FBLN1: variants seen among roughly 807,000 people sequenced by gnomAD.
FBLN1 encodes fibulin 1, also known as fibulin-1.
Under a neutral mutation model 89.7 loss-of-function variants are expected in FBLN1, and 34 were observed. The observed-to-expected ratio is 0.38, with a 90% CI of 0.29 to 0.50. FBLN1 has a LOEUF of 0.50. Among genes scored for constraint, FBLN1 ranks in the 20% least tolerant of loss-of-function variants. The pLI, the probability that FBLN1 is intolerant of heterozygous loss-of-function variation, is 0.92. For synonymous variants in FBLN1, 393 were observed against 391.3 expected (o/e 1.00, Z -0.05); for missense variants, 777 against 988.1 (o/e 0.79, Z 2.86).
chr22:45,519,481 G>A (rs1393680509), intron 2 of FBLN1, among the ~76,000 whole-genome samples: 1 of 151,870 alleles, frequency 6.6e-6, no homozygotes, highest in Non-Finnish European at 1.5e-5. Flanking sequence ...AAAATTAGCT[G>A]GGCGTGGTGG....
At chr22:45,594,661 G>A (rs1048714167) in intron 16 of FBLN1, among the ~76,000 whole-genome samples, 1 of 152,030 alleles carries the variant, frequency 6.6e-6, no homozygotes, top group African/African-American at 2.4e-5. Context: ...TGGATGGTTG[G>A]ATCCATGGGT....
chr22:45,517,806 C>T (rs375978096), intron 1 of FBLN1: 20 of 365,586 alleles, frequency 5.5e-5, no homozygotes, highest in East Asian at 2.4e-4. Flanking sequence ...GGAGAAAACA[C>T]GGATGTGGGT....
At chr22:45,540,382 C>T (rs7290660) in intron 8 of FBLN1, among the ~76,000 whole-genome samples, 4,250 of 152,262 alleles carry the variant, frequency 0.028, 187 homozygotes, top group African/African-American at 0.091. Context: ...GCACGGTCAG[C>T]GCGAAGGGCT....
At chr22:45,528,226 C>T (rs547286342) in intron 4 of FBLN1, among the ~76,000 whole-genome samples, 1 of 152,192 alleles carries the variant, frequency 6.6e-6, no homozygotes, top group African/African-American at 2.4e-5. Flanking sequence ...GGCAGAACGC[C>T]GCCTTTCCCG....
At chr22:45,539,405 T>A (rs529421570) in intron 8 of FBLN1, among the ~76,000 whole-genome samples, 68 of 152,064 alleles carry the variant, frequency 4.5e-4, no homozygotes, top group African/African-American at 1.5e-3. Context: ...TTTGCCGTGT[T>A]GGCCAGGTTG....
chr22:45,515,703 C>T (rs2088160604), intron 1 of FBLN1, among the ~76,000 whole-genome samples: 1 of 152,204 alleles, frequency 6.6e-6, no homozygotes, highest in South Asian at 2.1e-4. Flanking sequence ...CGGTTTAATC[C>T]TCCAGCGACT....
rs565722941 is a variant in FBLN1 at position 45,579,408 on chromosome 22, G to T, written c.1972+2300G>T. ...AGAGATGATCACAGGTGCCGTCCCG[G>T]CAGCGGGCTTCTGGGAACGGAATGT... is the stretch of plus-strand genomic sequence containing the variant. On this transcript the variant is annotated intron_variant, in intron 16 of 16. Transcript: ENST00000327858. The surrounding 1 kb of genome is among the most constrained non-coding windows in gnomAD (Gnocchi z 5.5). 6.6e-6 allele frequency among the ~76,000 whole-genome samples: 1 copy of T among 152,386 alleles called. No homozygotes were observed. The highest frequency in any genetic ancestry group is 6.5e-5 in the Admixed American group (1 of 15,314).
intron 16 of FBLN1, among the ~76,000 whole-genome samples, chr22:45,599,038 TGGC>T (rs1361637656): frequency 6.6e-6 from 1 of 152,168 alleles, no homozygotes; most frequent in Non-Finnish European, 1.5e-5. Flanking sequence ...GCCATGGAGA[TGGC>T]GGGCCCAGGC....
chr22:45,525,854 CT>C (rs1287909233), intron 3 of FBLN1, among the ~76,000 whole-genome samples, 176 bp downstream of exon 3: 1 of 152,212 alleles, frequency 6.6e-6, no homozygotes, highest in Non-Finnish European at 1.5e-5. Context: ...GTTTCTCCCC[CT>C]CCACTGTAGC....
At chr22:45,585,973 T>A (rs1475403905) in intron 16 of FBLN1, among the ~76,000 whole-genome samples, 1 of 152,160 alleles carries the variant, frequency 6.6e-6, no homozygotes, top group Non-Finnish European at 1.5e-5. Flanking sequence ...ACAAAGCTGG[T>A]GACCCTCCCT....
chr22:45,522,897 G>A (rs77827866), intron 2 of FBLN1, among the ~76,000 whole-genome samples: 2 of 152,296 alleles, frequency 1.3e-5, no homozygotes, highest in African/African-American at 2.4e-5. Flanking sequence ...GCCAGGCTCC[G>A]TTCTGGTGAG....
Position 45,550,784 on chromosome 22 carries a change from A to G in FBLN1, c.1697+169A>G. ...GCCCTCAAGCCCCTAAATGCTAGTG[A>G]CACTGGTCTCGGAAAGTCAAGGGGG... is the stretch of plus-strand genomic sequence containing the variant. On this transcript the variant is annotated intron_variant, in intron 14 of 16. Transcript: ENST00000327858. This position sits in a 1 kb window ranked among gnomAD's most constrained non-coding sequence, Gnocchi z 8.4. The G allele has an allele frequency of 2.1e-6, 2 of 960,012 alleles. No individual in the cohort carries two copies. Among genetic ancestry groups the G allele is most frequent in the Non-Finnish European group, 3.3e-6 (2 of 611,220 alleles). The allele number at this position is 960,012 out of a possible 1,614,324, so 59.5% of individuals were successfully genotyped here.
At chr22:45,511,401 G>A (rs1467805246) in intron 1 of FBLN1, among the ~76,000 whole-genome samples, 1 of 150,538 alleles carries the variant, frequency 6.6e-6, no homozygotes, top group Non-Finnish European at 1.5e-5. Flanking sequence ...TGATCCACCT[G>A]CCTCGGCCTC....
rs1363098801 is a variant in FBLN1, at chr22:45,557,501, T to C, written c.1697+6886T>C. 6.6e-6 allele frequency among the ~76,000 whole-genome samples: 1 copy of C among 152,058 alleles called. No homozygotes were observed. Among genetic ancestry groups the C allele is most frequent in the Admixed American group, 6.5e-5 (1 of 15,282 alleles). ...CCATATCCAGGTCAGCCTTGGTGAGTGGAAGTCCATGTTGCTGAGCCCATG... is the reference window on the plus strand; with the variant it reads ...CCATATCCAGGTCAGCCTTGGTGAGCGGAAGTCCATGTTGCTGAGCCCATG... On this transcript the variant is annotated intron_variant, in intron 14 of 16. Transcript: ENST00000327858. The surrounding 1 kb of genome is among the most constrained non-coding windows in gnomAD (Gnocchi z 4.9).
chr22:45,545,678 A>G lies in FBLN1; in HGVS notation c.1322-1407A>G, dbSNP rs1436962070. On this transcript the variant is annotated intron_variant, in intron 11 of 16. Coordinates refer to ENST00000327858, the MANE Select transcript of FBLN1 (RefSeq NM_006486.3). The surrounding 1 kb of genome is among the most constrained non-coding windows in gnomAD (Gnocchi z 5.9). ...CGGGGGATGAGAGACCACACTGGAC[A>G]GGTGGAGGCCAGGCCTGGTGTGTGG... Among the ~76,000 whole-genome samples, 1 of 152,160 alleles carries G rather than the reference A, an allele frequency of 6.6e-6. No individual in the cohort carries two copies. Among genetic ancestry groups the G allele is most frequent in the African/African-American group, 2.4e-5 (1 of 41,430 alleles).
intron 11 of FBLN1, among the ~76,000 whole-genome samples, chr22:45,544,133 C>A (rs1168960952): frequency 6.6e-6 from 1 of 151,860 alleles, no homozygotes; most frequent in Non-Finnish European, 1.5e-5. Flanking sequence ...GTCACCCAGG[C>A]TGGAGTGCAA....
Position 45,577,167 on chromosome 22 carries a change from C to T in FBLN1, c.1972+59C>T, listed in dbSNP as rs2089005060. On this transcript the variant is annotated intron_variant, in intron 16 of 16. Transcript: ENST00000327858. The surrounding 1 kb of genome is among the most constrained non-coding windows in gnomAD (Gnocchi z 6.6). Reference sequence around the variant, plus strand: ...ACCCCTCCCCCTCCACCCCGAAACCCTCTCTGGCCCAGCCCAACTCCCATC... The same window carrying T: ...ACCCCTCCCCCTCCACCCCGAAACCTTCTCTGGCCCAGCCCAACTCCCATC... 1 of 1,595,300 alleles carries T rather than the reference C, an allele frequency of 6.3e-7. No homozygotes were observed. The highest frequency in any genetic ancestry group is 8.6e-7 in the Non-Finnish European group (1 of 1,167,176).
In FBLN1 at chr22:45,561,102, C is replaced by T. The variant is rs537089454; in HGVS notation, c.1697+10487C>T. Among the ~76,000 whole-genome samples, 3 of 152,346 alleles carry T rather than the reference C, an allele frequency of 2.0e-5. No homozygotes were observed. The highest frequency in any genetic ancestry group is 4.8e-5 in the African/African-American group (2 of 41,588). On this transcript the variant is annotated intron_variant, in intron 14 of 16. Coordinates refer to ENST00000327858, the MANE Select transcript of FBLN1 (RefSeq NM_006486.3). This position sits in a 1 kb window ranked among gnomAD's most constrained non-coding sequence, Gnocchi z 4.7. ...TCATCAGGCTCCTCCCACATGTCCC[C>T]ATTCCAAGTTGCAGGGTCCCATTCT...
intron 14 of FBLN1, among the ~76,000 whole-genome samples, chr22:45,567,772 G>T (rs2088911711): frequency 6.6e-6 from 1 of 152,132 alleles, no homozygotes; most frequent in African/African-American, 2.4e-5. Flanking sequence ...AGGTATGGTT[G>T]TCTGCAGTTC....
Sources: allele counts gnomAD v4.1 joint callset (sites outside exome capture counted in the v4.1 genomes callset), GRCh38; gene constraint gnomAD v4.1.1; non-coding constraint Gnocchi (gnomAD v3.1); transcripts MANE v1.5; gene names NCBI Gene and HGNC (gene_info 2026-07-23, HGNC 2026-07-21).